The following KIT variants were observed in gnomAD, a reference collection of about 807,000 sequenced individuals.
KIT encodes mast/stem cell growth factor receptor Kit.
A neutral mutation model predicts 105.7 loss-of-function variants in KIT; 16 were observed. That is an observed-to-expected ratio of 0.15 (90% CI 0.10 to 0.23). The LOEUF (loss-of-function observed/expected upper bound fraction) is 0.23, where lower values mean the gene tolerates loss of function less well. Among genes scored for constraint, KIT ranks in the 10% least tolerant of loss-of-function variants. The probability of loss-of-function intolerance (pLI) is 1.00; values close to 1 mark genes in which losing one functional copy is unlikely to be tolerated. For missense variants in KIT, 858 were observed against 1,213.8 expected (o/e 0.71, Z 4.36); for synonymous variants, 438 against 441.1 (o/e 0.99, Z 0.09).
At chr4:54,684,588 C>T (rs1719181795) in intron 1 of KIT, among the ~76,000 whole-genome samples, 1 of 152,168 alleles carries the variant, frequency 6.6e-6, no homozygotes, top group Non-Finnish European at 1.5e-5. Flanking sequence ...CTTCATGCTG[C>T]CATCAGGCAC....
intron 1 of KIT, among the ~76,000 whole-genome samples, chr4:54,688,534 A>C (rs1719475790): frequency 1.3e-5 from 2 of 152,166 alleles, no homozygotes; most frequent in Admixed American, 1.3e-4. Context: ...TTTTAACCGC[A>C]GCTATCAATC....
At chr4:54,661,035 G>A (rs973447795) in intron 1 of KIT, among the ~76,000 whole-genome samples, 1 of 152,124 alleles carries the variant, frequency 6.6e-6, no homozygotes, top group African/African-American at 2.4e-5. Context: ...TGACCCTGTG[G>A]TATGTTGGCT....
At chr4:54,680,035 G>T (rs1718791637) in intron 1 of KIT, among the ~76,000 whole-genome samples, 1 of 152,182 alleles carries the variant, frequency 6.6e-6, no homozygotes, top group Non-Finnish European at 1.5e-5. Context: ...GAGTCATTAT[G>T]CAATATTTCT....
intron 5 of KIT, among the ~76,000 whole-genome samples, chr4:54,704,164 A>G (rs886367386): frequency 2.0e-5 from 3 of 152,206 alleles, no homozygotes; most frequent in African/African-American, 7.2e-5. Flanking sequence ...CAAACAAAAC[A>G]TAAGTTGAGA....
At chr4:54,737,081 C>A (rs918364661) in intron 19 of KIT, 94 bp from the exon 20 acceptor site, 3 of 823,528 alleles carry the variant, frequency 3.6e-6, no homozygotes, top group Non-Finnish European at 4.3e-6. Flanking sequence ...AGTTGCATAG[C>A]CCTGGAATTA....
In KIT at chr4:54,727,309, C is replaced by G. The variant is rs574083805; in HGVS notation, c.1632C>G (p.Thr544=). The stretch of plus-strand genomic sequence containing the variant: ...TGTGCATTATTGTGATGATTCTGAC[C>G]TACAAATATTTACAGGTAACCATTT... ...GMMCIIVMIL[T]YKYLQKPMYE... is the part of the protein sequence containing the mutation. Residue 544 remains threonine (T), a synonymous_variant, in exon 10 of 21, where the codon ACC becomes ACG. Transcript: ENST00000288135. 6.2e-7 allele frequency: 1 copy of G among 1,613,876 alleles called. No homozygotes were observed. Among genetic ancestry groups the G allele is most frequent in the East Asian group, 2.2e-5 (1 of 44,878 alleles).
At chr4:54,727,376 A>G (rs372094483) in intron 10 of KIT, 40 bp from the exon 11 acceptor site, 1 of 1,614,110 alleles carries the variant, frequency 6.2e-7, no homozygotes, top group Non-Finnish European at 8.5e-7. Flanking sequence ...TGAGACAATA[A>G]TTATTAAAAG....
chr4:54,674,207 G>A (rs1049431092), intron 1 of KIT, among the ~76,000 whole-genome samples: 5 of 151,930 alleles, frequency 3.3e-5, no homozygotes, highest in Non-Finnish European at 5.9e-5. Flanking sequence ...CCTCATCTTA[G>A]ATCTCATCCC....
rs545792479 is a variant in KIT, at chr4:54,676,023, C to A, written c.67+17942C>A. 7.7e-4 allele frequency among the ~76,000 whole-genome samples: 117 copies of A among 152,300 alleles called. 1 individual carries two copies. In the South Asian group the frequency reaches 0.023, roughly 30 times the overall value. On this transcript the variant is annotated intron_variant, in intron 1 of 20. Transcript: ENST00000288135. Reference sequence around the variant, plus strand: ...CAAAGCTTGTCAGGGGGACCCAGTGCTAGGCCGATTTCTAGGTGTAAAAGC... The same window carrying A: ...CAAAGCTTGTCAGGGGGACCCAGTGATAGGCCGATTTCTAGGTGTAAAAGC...
rs1721015514 is a variant in KIT at position 54,709,673 on chromosome 4, T to G, written c.1231+134T>G. 8.4e-6 allele frequency: 6 copies of G among 714,546 alleles called. No homozygotes were observed. The Admixed American group carries it at 1.2e-4, about 14-fold the overall frequency. The allele number at this position is 714,546 out of a possible 1,614,324, so 44.3% of individuals were successfully genotyped here. A position where few individuals can be genotyped will look rare whatever the true frequency, so the allele number is the denominator to read the frequency against. The stretch of plus-strand genomic sequence containing the variant: ...TGATAATCTTGACCTTCACAGAGAC[T>G]TCGTGGTTTGGTGGTTAGAGTGTGT... On this transcript the variant is annotated intron_variant, in intron 7 of 20. Coordinates refer to ENST00000288135, the MANE Select transcript of KIT (RefSeq NM_000222.3).
chr4:54,730,439 T>C (rs1408899860), intron 14 of KIT, among the ~76,000 whole-genome samples: 1 of 152,130 alleles, frequency 6.6e-6, no homozygotes, highest in East Asian at 1.9e-4. Context: ...TTTCTGTACC[T>C]CTGGCTAAAG....
chr4:54,711,293 T>C (rs924765320), intron 7 of KIT, among the ~76,000 whole-genome samples: 3 of 152,264 alleles, frequency 2.0e-5, no homozygotes, highest in Non-Finnish European at 4.4e-5. Context: ...TTTTTATTGC[T>C]AATCCAGAGT....
At chr4:54,699,839 C>G in intron 4 of KIT, 73 bp downstream of exon 4, 3 of 1,565,350 alleles carry the variant, frequency 1.9e-6, no homozygotes, top group Non-Finnish European at 2.6e-6. Flanking sequence ...TCAGAAGAGT[C>G]TGTCCTGAAA....
At chr4:54,677,062 CTA>C (rs1193032822) in intron 1 of KIT, among the ~76,000 whole-genome samples, 2 of 152,112 alleles carry the variant, frequency 1.3e-5, no homozygotes, top group African/African-American at 4.8e-5. Flanking sequence ...AATATAAACT[CTA>C]TGGGTGAGGG....
intron 1 of KIT, among the ~76,000 whole-genome samples, chr4:54,673,336 C>T (rs894402794): frequency 4.3e-4 from 66 of 152,150 alleles, no homozygotes; most frequent in African/African-American, 1.5e-3. Context: ...CTTTTAACCG[C>T]GTCATAATTC....
intron 1 of KIT, among the ~76,000 whole-genome samples, chr4:54,664,694 A>G (rs540368909): frequency 1.3e-5 from 2 of 151,732 alleles, no homozygotes; most frequent in East Asian, 1.9e-4. Context: ...CGCAGCCTCC[A>G]CCTCCTGAAC....
chr4:54,718,733 TTAAAA>T (rs1342470662), intron 7 of KIT, among the ~76,000 whole-genome samples: 12 of 152,226 alleles, frequency 7.9e-5, no homozygotes, highest in Admixed American at 1.3e-4. Flanking sequence ...ACAGTCACTG[TTAAAA>T]TAAATAGGTA....
intron 7 of KIT, among the ~76,000 whole-genome samples, chr4:54,712,563 T>G (rs1011229415): frequency 6.6e-6 from 1 of 152,232 alleles, no homozygotes; most frequent in Non-Finnish European, 1.5e-5. Context: ...TCATGAGATA[T>G]TGACCTCAGG....
At chr4:54,669,170 G>A (rs2237029) in intron 1 of KIT, among the ~76,000 whole-genome samples, 103,759 of 151,944 alleles carry the variant, frequency 0.68, 37,117 homozygotes, top group African/African-American at 0.92. Flanking sequence ...TAGTATATAC[G>A]TTTTTAGCCG....
Sources: gnomAD v4.1 joint callset for allele counts (sites outside exome capture counted in the v4.1 genomes callset) on GRCh38, gnomAD v4.1.1 for gene constraint, MANE v1.5 for transcripts, NCBI Gene and HGNC (gene_info 2026-07-23, HGNC 2026-07-21) for gene names.